Variants in COMMD10 observed in about 807,000 individuals in gnomAD.
COMMD10 encodes COMM domain containing 10.
COMMD10 carries 33 observed loss-of-function variants against 28.9 expected under a neutral mutation model. The ratio of observed to expected loss-of-function variants is 1.14; its 90% confidence interval spans 0.87 to 1.53. COMMD10 has a LOEUF of 1.53. Among genes scored for constraint, COMMD10 ranks in the 40% most tolerant of loss-of-function variants. The pLI is 0.00. For synonymous variants in COMMD10, 110 were observed against 81.7 expected (o/e 1.35, Z -1.87); for missense variants, 310 against 233.4 (o/e 1.33, Z -2.14).
At chr5:116,251,388 C>T (rs1280460871) in intron 5 of COMMD10, among the ~76,000 whole-genome samples, 1 of 146,084 alleles carries the variant, frequency 6.8e-6, no homozygotes, top group Non-Finnish European at 1.5e-5. Flanking sequence ...GTGTGCTGCA[C>T]CCACTAACTC....
intron 5 of COMMD10, among the ~76,000 whole-genome samples, chr5:116,199,834 C>T (rs1043183390): frequency 1.3e-5 from 2 of 152,136 alleles, no homozygotes; most frequent in Non-Finnish European, 2.9e-5. Context: ...CTCAAGCAAT[C>T]CTCCAGAGTA....
At position 116,266,897 on chromosome 5, in the gene COMMD10, CCG is replaced by C. The variant is rs2112691762; in HGVS notation, c.511-24619_511-24618del. On this transcript the variant is annotated intron_variant, in intron 5 of 6. Coordinates refer to ENST00000274458, the MANE Select transcript of COMMD10 (RefSeq NM_016144.4). ...AAAGGCCTTTGACAAAATTCAACAG[CCG>C]TTCATGCTAAACACTCTCAATAAAT... Among the ~76,000 whole-genome samples, 2 of 151,936 alleles carry C rather than the reference CCG, an allele frequency of 1.3e-5. 1 individual carries two copies. The highest frequency in any genetic ancestry group is 4.8e-5 in the African/African-American group (2 of 41,268).
chr5:116,203,791 A>G (rs1165416268), intron 5 of COMMD10, among the ~76,000 whole-genome samples: 1 of 152,204 alleles, frequency 6.6e-6, no homozygotes, highest in East Asian at 1.9e-4. Context: ...AAATCATGCC[A>G]AAATGTAAAG....
intron 5 of COMMD10, among the ~76,000 whole-genome samples, chr5:116,190,993 A>G (rs750947881): frequency 6.6e-6 from 1 of 152,160 alleles, no homozygotes; most frequent in South Asian, 2.1e-4. Context: ...TACATTTTAC[A>G]CCCTGTTGCC....
chr5:116,248,357 G>C (rs1010161805), intron 5 of COMMD10, among the ~76,000 whole-genome samples: 1 of 131,870 alleles, frequency 7.6e-6, no homozygotes, highest in African/African-American at 2.4e-5. Flanking sequence ...GGGATAATTA[G>C]AAAAAGTATA....
intron 5 of COMMD10, among the ~76,000 whole-genome samples, chr5:116,194,598 A>G (rs7721510): frequency 0.31 from 47,389 of 151,930 alleles, 10,171 homozygotes; most frequent in African/African-American, 0.62. Flanking sequence ...GAAAGATGCA[A>G]CTCTCTTAGC....
chr5:116,205,090 G>A (rs1171847456), intron 5 of COMMD10, among the ~76,000 whole-genome samples: 1 of 152,080 alleles, frequency 6.6e-6, no homozygotes. Context: ...TTTAAACATA[G>A]ATTTCCTAGA....
chr5:116,208,528 T>C (rs1748876043), intron 5 of COMMD10, among the ~76,000 whole-genome samples: 1 of 152,200 alleles, frequency 6.6e-6, no homozygotes, highest in African/African-American at 2.4e-5. Flanking sequence ...GGGATCCCTT[T>C]GTTTATAATT....
intron 4 of COMMD10, among the ~76,000 whole-genome samples, chr5:116,096,192 T>C (rs1320726322): frequency 1.3e-5 from 2 of 152,082 alleles, no homozygotes; most frequent in African/African-American, 2.4e-5. Context: ...TAAATAACTT[T>C]ATTGAGAAAT....
chr5:116,122,513 T>C (rs1181422274), intron 4 of COMMD10, among the ~76,000 whole-genome samples: 4 of 152,260 alleles, frequency 2.6e-5, no homozygotes, highest in African/African-American at 7.2e-5. Flanking sequence ...TCCAATTCTG[T>C]GAAGAAAGTC....
At position 116,265,141 on chromosome 5, in the gene COMMD10, T is replaced by A. The variant is rs186404644; in HGVS notation, c.511-26376T>A. On this transcript the variant is annotated intron_variant, in intron 5 of 6. Coordinates refer to ENST00000274458, the MANE Select transcript of COMMD10 (RefSeq NM_016144.4). ...TGGTCTGTGTTCAAGAGACATTACA[T>A]CTAAAGAGAGCTAGAAATTGCAATT... 1.4e-3 allele frequency among the ~76,000 whole-genome samples: 215 copies of A among 151,870 alleles called. 1 individual carries two copies. Among genetic ancestry groups the A allele is most frequent in the African/African-American group, 4.9e-3 (204 of 41,268 alleles).
chr5:116,164,983 A>G (rs562700275), intron 5 of COMMD10, among the ~76,000 whole-genome samples: 2 of 152,322 alleles, frequency 1.3e-5, no homozygotes, highest in Non-Finnish European at 2.9e-5. Context: ...CCAAGACATG[A>G]AAAGTCAGTG....
At chr5:116,224,373 A>G (rs1257826955) in intron 5 of COMMD10, among the ~76,000 whole-genome samples, 1 of 152,126 alleles carries the variant, frequency 6.6e-6, no homozygotes, top group African/African-American at 2.4e-5. Flanking sequence ...TTTTGTTGGT[A>G]TAAAGGAATA....
chr5:116,102,787 G>C (rs1202552011), intron 4 of COMMD10, among the ~76,000 whole-genome samples: 1 of 152,130 alleles, frequency 6.6e-6, no homozygotes, highest in African/African-American at 2.4e-5. Flanking sequence ...ATCTACATTA[G>C]GTATTTCTCC....
At chr5:116,143,306 T>C (rs1332487048) in intron 5 of COMMD10, among the ~76,000 whole-genome samples, 3 of 151,728 alleles carry the variant, frequency 2.0e-5, no homozygotes, top group African/African-American at 7.2e-5. Context: ...TTTCAGATGC[T>C]ACTTACCTTT....
chr5:116,130,529 G>A (rs1421545782), intron 4 of COMMD10, among the ~76,000 whole-genome samples: 2 of 151,924 alleles, frequency 1.3e-5, no homozygotes, highest in African/African-American at 4.8e-5. Flanking sequence ...AAGTTATTTA[G>A]TCCTCTACTT....
At chr5:116,147,618 C>A (rs956253086) in intron 5 of COMMD10, among the ~76,000 whole-genome samples, 1 of 151,630 alleles carries the variant, frequency 6.6e-6, no homozygotes, top group Non-Finnish European at 1.5e-5. Context: ...GCTGGTTAAC[C>A]AAAACATGTA....
chr5:116,121,998 T>C (rs1163043987), intron 4 of COMMD10, among the ~76,000 whole-genome samples: 2 of 152,160 alleles, frequency 1.3e-5, no homozygotes, highest in African/African-American at 4.8e-5. Flanking sequence ...TAGATTCCAT[T>C]TGACTATTTT....
At chr5:116,126,999 T>C (rs913180158) in intron 4 of COMMD10, among the ~76,000 whole-genome samples, 13 of 152,076 alleles carry the variant, frequency 8.5e-5, no homozygotes, top group African/African-American at 3.1e-4. Context: ...ACCTACAGAA[T>C]AGGAGAAAAT....
Sources: allele counts gnomAD v4.1 joint callset (sites outside exome capture counted in the v4.1 genomes callset), GRCh38; gene constraint gnomAD v4.1.1; transcripts MANE v1.5; gene names NCBI Gene and HGNC (gene_info 2026-07-23, HGNC 2026-07-21).